ADSS1: variants seen among roughly 807,000 people sequenced by gnomAD.
ADSS1 encodes the protein adenylosuccinate synthase 1, also known as adenylosuccinate synthetase isozyme 1.
A neutral mutation model predicts 59.1 loss-of-function variants in ADSS1; 57 were observed. That is an observed-to-expected ratio of 0.97 (90% CI 0.78 to 1.20). The LOEUF (loss-of-function observed/expected upper bound fraction) is 1.20. Among genes scored for constraint, ADSS1 ranks in the 50% most tolerant of loss-of-function variants. The pLI is 0.00. For synonymous variants in ADSS1, 247 were observed against 249.4 expected (o/e 0.99, Z 0.09); for missense variants, 603 against 610.3 (o/e 0.99, Z 0.13).
At position 104,741,243 on chromosome 14, in the gene ADSS1, G is replaced by A. The variant is rs145665881; in HGVS notation, c.793G>A (p.Gly265Arg). Residue 265 changes from glycine to arginine, a missense_variant and splice_region_variant, in exon 8 of 13, where the codon GGG (glycine) becomes AGG (arginine). Coordinates refer to ENST00000330877, the MANE Select transcript of ADSS1 (RefSeq NM_152328.5). The part of the protein sequence containing the change: ...ANAALLDIDF[G>R]TYPFVTSSNC... The stretch of plus-strand genomic sequence containing the variant: ...CGCCGCCCTCCTCGACATTGACTTC[G>A]GTATGTCCGGGAGGGTGTGCGTGCC... 67 of 1,587,830 alleles carry A rather than the reference G, an allele frequency of 4.2e-5. No homozygotes were observed. The highest frequency in any genetic ancestry group is 5.3e-5 in the Non-Finnish European group (62 of 1,167,410).
rs528977755 is a variant in ADSS1, at chr14:104,724,513, C to T, written c.192+51C>T. On this transcript the variant is annotated intron_variant, in intron 1 of 12. Transcript: ENST00000330877. Reference sequence around the variant, plus strand: ...CCCCCACCGCCCAGCGAGCCCCCCTCCCCCGACCCAGACGGCCCCTGTCCT... The same window carrying T: ...CCCCCACCGCCCAGCGAGCCCCCCTTCCCCGACCCAGACGGCCCCTGTCCT... The T allele has an allele frequency of 1.7e-5, 21 of 1,211,836 alleles. No individual in the cohort carries two copies. The African/African-American group carries it at 2.7e-4, about 15-fold the overall frequency. The allele number at this position is 1,211,836 out of a possible 1,614,324, so 75.1% of individuals were successfully genotyped here. A position where few individuals can be genotyped will look rare whatever the true frequency, so the allele number is the denominator to read the frequency against.
At chr14:104,744,131 A>T (rs1273959799) in intron 10 of ADSS1, among the ~76,000 whole-genome samples, 1 of 152,160 alleles carries the variant, frequency 6.6e-6, no homozygotes, top group Non-Finnish European at 1.5e-5. Context: ...TGCCATGCTC[A>T]CGGGCTGGAC....
At chr14:104,743,734 A>G (rs1213389069) in intron 10 of ADSS1, among the ~76,000 whole-genome samples, 1 of 152,250 alleles carries the variant, frequency 6.6e-6, no homozygotes, top group East Asian at 1.9e-4. Flanking sequence ...GGTTGAGAGC[A>G]TCAGCCAAAA....
Position 104,741,260 on chromosome 14 carries a change from G to A in ADSS1, c.793+17G>A. ...TTGACTTCGGTATGTCCGGGAGGGT[G>A]TGCGTGCCAACGACCTTTCGTGCCT... On this transcript the variant is annotated intron_variant, in intron 8 of 12. Coordinates refer to ENST00000330877, the MANE Select transcript of ADSS1 (RefSeq NM_152328.5). 1 of 1,542,304 alleles carries A rather than the reference G, an allele frequency of 6.5e-7. No individual in the cohort carries two copies. The highest frequency in any genetic ancestry group is 8.7e-7 in the Non-Finnish European group (1 of 1,142,896).
In ADSS1 at chr14:104,740,594, C is replaced by T. The variant is rs1891307583; in HGVS notation, c.477-7C>T. ...GTTCTCATGGGTACCCACTCCCCAT[C>T]TTTCAGTATAGGCACCACCAAGAAG... is the stretch of plus-strand genomic sequence containing the variant. On this transcript the variant is annotated splice_region_variant and splice_polypyrimidine_tract_variant and intron_variant, in intron 5 of 12. Transcript: ENST00000330877. The surrounding 1 kb of genome is among the most constrained non-coding windows in gnomAD (Gnocchi z 4.8). 1 of 1,613,272 alleles carries T rather than the reference C, an allele frequency of 6.2e-7. No individual in the cohort carries two copies. The highest frequency in any genetic ancestry group is 8.5e-7 in the Non-Finnish European group (1 of 1,179,816).
chr14:104,730,910 C>T (rs148583045), intron 1 of ADSS1, among the ~76,000 whole-genome samples: 90 of 134,294 alleles, frequency 6.7e-4, no homozygotes, highest in Non-Finnish European at 1.1e-4. Flanking sequence ...GCAGCTGGCA[C>T]GGATGTCCCC....
Position 104,741,112 on chromosome 14 carries a change from TGCAGG to T in ADSS1, c.667-2_669del. The T allele has an allele frequency of 6.3e-7, 1 of 1,596,614 alleles. No individual in the cohort carries two copies. Among genetic ancestry groups the T allele is most frequent in the Non-Finnish European group, 8.6e-7 (1 of 1,169,462 alleles). ...CTCACTCTGCTGCTTGGCCCTTCCT[TGCAGG>T]GCTTTGCTGAGCGGATCAGACCCAT... On this transcript the variant is annotated splice_acceptor_variant and splice_polypyrimidine_tract_variant and coding_sequence_variant and intron_variant, in exon 8 of 13. Coordinates refer to ENST00000330877, the MANE Select transcript of ADSS1 (RefSeq NM_152328.5). LOFTEE classifies it high-confidence loss of function.
At chr14:104,743,341 C>A in intron 10 of ADSS1, 150 bp downstream of exon 10, 1 of 1,209,070 alleles carries the variant, frequency 8.3e-7, no homozygotes, top group Non-Finnish European at 1.2e-6. Context: ...AAGCACGGCC[C>A]AGAGGTTAGC....
chr14:104,746,915 C>A, intron 12 of ADSS1, 36 bp from the exon 13 acceptor site: 8 of 1,609,934 alleles, frequency 5.0e-6, no homozygotes, highest in Non-Finnish European at 6.8e-6. Flanking sequence ...TTTCTGCCTC[C>A]AGTGTGTATC....
chr14:104,724,570 G>T (rs1226235700), intron 1 of ADSS1, 108 bp downstream of exon 1: 1 of 1,224,348 alleles, frequency 8.2e-7, no homozygotes, highest in South Asian at 4.1e-5. Context: ...CACCCGCTTG[G>T]ATGCCTTCCT....
intron 1 of ADSS1, among the ~76,000 whole-genome samples, chr14:104,732,882 C>G (rs376830525): frequency 6.6e-6 from 1 of 152,176 alleles, no homozygotes. Flanking sequence ...ACATATGTGC[C>G]GAGGCAAGGA....
At chr14:104,738,324 T>C in intron 2 of ADSS1, 52 bp from the exon 3 acceptor site, 1 of 1,595,064 alleles carries the variant, frequency 6.3e-7, no homozygotes, top group East Asian at 2.2e-5. Context: ...AATGTATGTT[T>C]TCCAGTGTCT....
At chr14:104,743,794 G>A (rs1202451981) in intron 10 of ADSS1, among the ~76,000 whole-genome samples, 3 of 152,238 alleles carry the variant, frequency 2.0e-5, no homozygotes, top group African/African-American at 4.8e-5. Flanking sequence ...GAGCTAATCC[G>A]GCAACGGGAA....
rs781447063 is a variant in ADSS1 at position 104,743,229 on chromosome 14, C to T, written c.1073+38C>T. Reference sequence around the variant, plus strand: ...TGCTGCCATCCCCACTGGGACCGTCCCTGACTCCCGACACCTGCAGAGGCA... The same window carrying T: ...TGCTGCCATCCCCACTGGGACCGTCTCTGACTCCCGACACCTGCAGAGGCA... On this transcript the variant is annotated intron_variant, in intron 10 of 12. Coordinates refer to ENST00000330877, the MANE Select transcript of ADSS1 (RefSeq NM_152328.5). 1.9e-6 allele frequency: 3 copies of T among 1,601,068 alleles called. No individual in the cohort carries two copies. In the South Asian group the frequency reaches 3.3e-5, roughly 18 times the overall value.
chr14:104,736,840 C>T (rs1427259873), intron 2 of ADSS1, among the ~76,000 whole-genome samples: 1 of 147,290 alleles, frequency 6.8e-6, no homozygotes, highest in Non-Finnish European at 1.5e-5. Context: ...CTCTGTCTCC[C>T]AAGTAGCCAG....
chr14:104,738,279 T>G, intron 2 of ADSS1, 97 bp from the exon 3 acceptor site: 164 of 1,323,690 alleles, frequency 1.2e-4, no homozygotes, highest in Non-Finnish European at 1.7e-4. Flanking sequence ...ATTACAGGCA[T>G]GAGCCACCGC....
chr14:104,743,164 A>G lies in ADSS1; in HGVS notation c.1046A>G (p.Tyr349Cys). The change falls in exon 10 of 13, where the codon TAT (tyrosine) becomes TGT (cysteine). Residue 349 changes from tyrosine to cysteine, a missense_variant. Transcript: ENST00000330877. ...TGGCTCGACCTGATGATTCTAAGATATGCTCACATGGTCAACGGATTCACT... is the reference window on the plus strand; with the variant it reads ...TGGCTCGACCTGATGATTCTAAGATGTGCTCACATGGTCAACGGATTCACT... ...CGWLDLMILRYAHMVNGFTAL... is the reference protein window; with the variant it reads ...CGWLDLMILRCAHMVNGFTAL... 1 of 1,612,124 alleles carries G rather than the reference A, an allele frequency of 6.2e-7. No individual in the cohort carries two copies. The highest frequency in any genetic ancestry group is 8.5e-7 in the Non-Finnish European group (1 of 1,179,994).
rs760903469 is a variant in ADSS1 at position 104,739,316 on chromosome 14, G to T, written c.359-12G>T. 6.2e-7 allele frequency: 1 copy of T among 1,606,002 alleles called. No individual in the cohort carries two copies. Among genetic ancestry groups the T allele is most frequent in the Non-Finnish European group, 8.5e-7 (1 of 1,176,754 alleles). On this transcript the variant is annotated splice_polypyrimidine_tract_variant and intron_variant, in intron 3 of 12. Transcript: ENST00000330877. ...GTGAACACTGACCCACCTGTGTGCC[G>T]TGTCCCCGCAGGCCTGAAGGACTGG...
chr14:104,740,940 G>A lies in ADSS1; in HGVS notation c.666+20G>A. ...CTCAAGGTGAAGTCGGGGCCGCAGT[G>A]TGGGGGCTGCGGAAGTGCTCCTCCA... is the stretch of plus-strand genomic sequence containing the variant. On this transcript the variant is annotated intron_variant, in intron 7 of 12. Transcript: ENST00000330877. This position sits in a 1 kb window ranked among gnomAD's most constrained non-coding sequence, Gnocchi z 4.8. 1 of 1,613,806 alleles carries A rather than the reference G, an allele frequency of 6.2e-7. No individual in the cohort carries two copies. Among genetic ancestry groups the A allele is most frequent in the Non-Finnish European group, 8.5e-7 (1 of 1,179,914 alleles).
Sources: gnomAD v4.1 joint callset for allele counts (sites outside exome capture counted in the v4.1 genomes callset) on GRCh38, gnomAD v4.1.1 for gene constraint, Gnocchi (gnomAD v3.1) non-coding constraint, MANE v1.5 for transcripts, NCBI Gene and HGNC (gene_info 2026-07-23, HGNC 2026-07-21) for gene names.